TMEM38B: variants seen among roughly 807,000 people sequenced by gnomAD.
The protein encoded by TMEM38B is transmembrane protein 38B.
Under a neutral mutation model 28.7 loss-of-function variants are expected in TMEM38B, and 24 were observed. The ratio of observed to expected loss-of-function variants is 0.84; its 90% confidence interval spans 0.61 to 1.18. TMEM38B has a LOEUF of 1.18. Among genes scored for constraint, TMEM38B ranks in the 50% most tolerant of loss-of-function variants. The pLI is 0.00. For missense variants in TMEM38B, 380 were observed against 350.9 expected (o/e 1.08, Z -0.66); for synonymous variants, 131 against 127.7 (o/e 1.03, Z -0.17).
chr9:105,744,124 T>C (rs1261028642), intron 4 of TMEM38B, among the ~76,000 whole-genome samples: 2 of 152,004 alleles, frequency 1.3e-5, no homozygotes, highest in Non-Finnish European at 2.9e-5. Flanking sequence ...TGGGATAAAA[T>C]ATTTATAATG....
rs1837846173 is a variant in TMEM38B at position 105,756,753 on chromosome 9, A to G, written c.660+8563A>G. ...AATAGGAAAACGTACAATGTTGAAC[A>G]TCTCTTATAATATTTCTCAACATTT... On this transcript the variant is annotated intron_variant, in intron 5 of 5. Transcript: ENST00000374692. Among the ~76,000 whole-genome samples the G allele has an allele frequency of 2.0e-5, 3 of 152,192 alleles. No homozygotes were observed. The South Asian group carries it at 6.2e-4, about 31-fold the overall frequency.
rs111592131 is a variant in TMEM38B at position 105,766,044 on chromosome 9, G to A, written c.661-7821G>A. The stretch of plus-strand genomic sequence containing the variant: ...TCTCAATCTCCTGACCTCATGATCC[G>A]CCTGCCTCGGCCTCCCAGTGCTGGA... On this transcript the variant is annotated intron_variant, in intron 5 of 5. Coordinates refer to ENST00000374692, the MANE Select transcript of TMEM38B (RefSeq NM_018112.3). Among the ~76,000 whole-genome samples, 1,427 of 152,110 alleles carry A rather than the reference G, an allele frequency of 9.4e-3. 14 individuals carry two copies. The highest frequency in any genetic ancestry group is 0.032 in the African/African-American group (1,329 of 41,498).
At chr9:105,745,180 T>A (rs1203224068) in intron 4 of TMEM38B, among the ~76,000 whole-genome samples, 1 of 152,208 alleles carries the variant, frequency 6.6e-6, no homozygotes, top group Non-Finnish European at 1.5e-5. Context: ...TCACAATGGT[T>A]GAACTAGTTT....
intron 1 of TMEM38B, among the ~76,000 whole-genome samples, chr9:105,701,977 G>A (rs992216177): frequency 1.3e-5 from 2 of 152,146 alleles, no homozygotes; most frequent in African/African-American, 4.8e-5. Context: ...CACTTTGGGA[G>A]GCTGAGGCAG....
In TMEM38B at chr9:105,771,825, A is replaced by G. The variant is rs558772085; in HGVS notation, c.661-2040A>G. On this transcript the variant is annotated intron_variant, in intron 5 of 5. Coordinates refer to ENST00000374692, the MANE Select transcript of TMEM38B (RefSeq NM_018112.3). ...ATAAATGACTTCCAGATCTATATCT[A>G]TTATTTAAATGTTCCTGGGAAATCT... 2.6e-5 allele frequency among the ~76,000 whole-genome samples: 4 copies of G among 152,254 alleles called. No individual in the cohort carries two copies. In the South Asian group the frequency reaches 6.2e-4, roughly 24 times the overall value.
At chr9:105,733,447 T>G (rs1836850578) in intron 4 of TMEM38B, among the ~76,000 whole-genome samples, 1 of 150,630 alleles carries the variant, frequency 6.6e-6, no homozygotes, top group African/African-American at 2.4e-5. Flanking sequence ...GCGGTGTCTT[T>G]GTCTGTATTA....
chr9:105,710,288 G>T, intron 2 of TMEM38B: 2 of 644,702 alleles, frequency 3.1e-6, no homozygotes, highest in South Asian at 3.3e-5. Context: ...GCTACAGTTT[G>T]GTCTGTCATT....
chr9:105,772,898 T>C (rs1245178241), intron 5 of TMEM38B, among the ~76,000 whole-genome samples: 2 of 152,188 alleles, frequency 1.3e-5, no homozygotes, highest in Non-Finnish European at 2.9e-5. Context: ...ATTTAACTTA[T>C]CTATTCCTTT....
chr9:105,759,286 T>A, intron 5 of TMEM38B: 3 of 765,394 alleles, frequency 3.9e-6, no homozygotes, highest in South Asian at 3.1e-5. Flanking sequence ...ATACATAGAA[T>A]CCAAGATGAT....
chr9:105,759,420 T>C lies in TMEM38B; in HGVS notation c.660+11230T>C, dbSNP rs552408670. On this transcript the variant is annotated intron_variant, in intron 5 of 5. Transcript: ENST00000374692. ...CTACTGAGAGACTACGGATAAGCAA[T>C]CCAGGATTTCAAGAAAGATGTGCTA... 27 of 1,555,260 alleles carry C rather than the reference T, an allele frequency of 1.7e-5. No homozygotes were observed. In the Admixed American group the frequency reaches 3.5e-4, roughly 20 times the overall value.
chr9:105,768,301 TCCTTTTTG>T (rs1826442128), intron 5 of TMEM38B, among the ~76,000 whole-genome samples: 1 of 152,150 alleles, frequency 6.6e-6, no homozygotes, highest in South Asian at 2.1e-4. Context: ...TGATGCGGTA[TCCTTTTTG>T]CATATTACTG....
At chr9:105,729,316 A>G (rs998744931) in intron 4 of TMEM38B, among the ~76,000 whole-genome samples, 7 of 152,182 alleles carry the variant, frequency 4.6e-5, no homozygotes, top group Non-Finnish European at 1.5e-5. Context: ...CAGTTTTCCC[A>G]GCACCATTTA....
Position 105,721,611 on chromosome 9 carries a change from C to T in TMEM38B, c.344C>T (p.Ser115Leu), listed in dbSNP as rs769677201. 3.0e-5 allele frequency: 49 copies of T among 1,613,296 alleles called. No individual in the cohort carries two copies. Among genetic ancestry groups the T allele is most frequent in the African/African-American group, 8.0e-5 (6 of 74,852 alleles). The change falls in exon 3 of 6, where the codon TCG (serine) becomes TTG (leucine). Residue 115 changes from serine (S) to leucine (L), a missense_variant. Physicochemically the swap from Ser to Leu is moderately radical, Grantham distance 145. Coordinates refer to ENST00000374692, the MANE Select transcript of TMEM38B (RefSeq NM_018112.3). ...TATCTACCTGTTCAACTACTGGCTT[C>T]GGGAATGAAGGAAGTGACCAGAACT... ...YSYLPVQLLA[S>L]GMKEVTRTWK...
chr9:105,725,513 G>T (rs186868542), intron 4 of TMEM38B, among the ~76,000 whole-genome samples: 281 of 151,900 alleles, frequency 1.8e-3, no homozygotes, highest in Admixed American at 2.3e-3. Flanking sequence ...TCAGAAATGT[G>T]TCATTTCATC....
intron 1 of TMEM38B, among the ~76,000 whole-genome samples, chr9:105,696,174 TAACA>T (rs1484661156): frequency 1.3e-5 from 2 of 152,252 alleles, no homozygotes; most frequent in Non-Finnish European, 2.9e-5. Flanking sequence ...TATGAGAATC[TAACA>T]GTTTTCTATT....
At chr9:105,725,189 C>T (rs1836464105) in intron 4 of TMEM38B, among the ~76,000 whole-genome samples, 2 of 151,908 alleles carry the variant, frequency 1.3e-5, no homozygotes, top group Non-Finnish European at 2.9e-5. Flanking sequence ...TGCAACACCT[C>T]GTTCTATTTT....
At chr9:105,773,481 G>T (rs73522017) in intron 5 of TMEM38B, among the ~76,000 whole-genome samples, 11,304 of 152,088 alleles carry the variant, frequency 0.074, 936 homozygotes, top group African/African-American at 0.21. Flanking sequence ...AATGATGAGG[G>T]TAATAATAGA....
chr9:105,712,564 C>T (rs1315187045), intron 2 of TMEM38B, among the ~76,000 whole-genome samples: 1 of 152,232 alleles, frequency 6.6e-6, no homozygotes, highest in Non-Finnish European at 1.5e-5. Context: ...GAATCCAAAT[C>T]AGATTTAGGC....
intron 4 of TMEM38B, among the ~76,000 whole-genome samples, chr9:105,734,865 CTT>C (rs35839234): frequency 2.4e-4 from 33 of 135,076 alleles, no homozygotes; most frequent in East Asian, 1.9e-3. Flanking sequence ...GTAGTTGGAT[CTT>C]TTTTTTTTTT....
Sources: allele counts gnomAD v4.1 joint callset (sites outside exome capture counted in the v4.1 genomes callset), GRCh38; gene constraint gnomAD v4.1.1; transcripts MANE v1.5; gene names NCBI Gene and HGNC (gene_info 2026-07-23, HGNC 2026-07-21).